The following TENM3 variants were observed in gnomAD, a reference collection of about 807,000 sequenced individuals.
The protein encoded by TENM3 is teneurin transmembrane protein 3.
A neutral mutation model predicts 255.1 loss-of-function variants in TENM3; 63 were observed. The observed-to-expected ratio is 0.25, with a 90% CI of 0.20 to 0.30. The LOEUF is 0.30. Ranked by LOEUF, TENM3 falls within the 10% of genes least tolerant of loss-of-function variation. TENM3 has a pLI of 1.00. For synonymous variants in TENM3, 1,306 were observed against 1,322.3 expected, an observed-to-expected ratio of 0.99 and a Z score of 0.27; for missense variants, 2,929 against 3,461.1, an observed-to-expected ratio of 0.85 and a Z score of 3.86.
chr4:182,066,793 C>T, the TENM3 span, among the ~76,000 whole-genome samples: 2 of 151,986 alleles, frequency 1.3e-5, no homozygotes, highest in Non-Finnish European at 2.9e-5. Context: ...CGCCTGTAGT[C>T]CCAGCTACTC....
the TENM3 span, among the ~76,000 whole-genome samples, chr4:181,810,392 T>C: frequency 6.6e-6 from 1 of 152,068 alleles, no homozygotes; most frequent in African/African-American, 2.4e-5. Context: ...CAGTAAATAA[T>C]GAACGAATCT....
the TENM3 span, among the ~76,000 whole-genome samples, chr4:181,809,187 G>A: frequency 6.6e-6 from 1 of 152,126 alleles, no homozygotes; most frequent in Non-Finnish European, 1.5e-5. Flanking sequence ...CCATTCAGAT[G>A]GGCTGGAAAC....
chr4:181,520,461 G>A, the TENM3 span, among the ~76,000 whole-genome samples: 1 of 152,052 alleles, frequency 6.6e-6, no homozygotes, highest in Non-Finnish European at 1.5e-5. Flanking sequence ...ATATCTCTAA[G>A]GAGATTGAAA....
intron 3 of TENM3, among the ~76,000 whole-genome samples, chr4:182,494,928 T>C (rs1469025519): frequency 6.6e-6 from 1 of 152,218 alleles, no homozygotes; most frequent in African/African-American, 2.4e-5. Flanking sequence ...GGAAGTACTA[T>C]TGGAGGTCTT....
the TENM3 span, among the ~76,000 whole-genome samples, chr4:182,044,480 G>A: frequency 0.55 from 84,066 of 152,146 alleles, 27,806 homozygotes; most frequent in East Asian, 0.75. Context: ...TCAGAAACAT[G>A]TCTTAAATTA....
intron 1 of TENM3, among the ~76,000 whole-genome samples, chr4:182,268,468 A>G (rs1349357642): frequency 6.6e-6 from 1 of 152,004 alleles, no homozygotes; most frequent in Admixed American, 6.6e-5. Flanking sequence ...GGGAGGGGGG[A>G]AATGTGTCAG....
the TENM3 span, among the ~76,000 whole-genome samples, chr4:181,605,572 G>GAAAGAA: frequency 4.5e-4 from 9 of 20,060 alleles, 1 homozygote; most frequent in Admixed American, 7.0e-4. Flanking sequence ...GAAAGAAAGA[G>GAAAGAA]AGAGAAAGAA....
In TENM3 at chr4:182,485,326, T is replaced by C. The variant is rs150752318; in HGVS notation, c.512-115598T>C. Among the ~76,000 whole-genome samples, 708 of 152,284 alleles carry C rather than the reference T, an allele frequency of 4.6e-3. 9 individuals are homozygous for C. The highest frequency in any genetic ancestry group is 0.016 in the African/African-American group (651 of 41,556). On this transcript the variant is annotated intron_variant, in intron 3 of 27. Transcript: ENST00000511685. Reference sequence around the variant, plus strand: ...GAGTGACAGAGATCCCTTTGTCTAATGGCAACTTTATGGAAATGAACATTT... The same window carrying C: ...GAGTGACAGAGATCCCTTTGTCTAACGGCAACTTTATGGAAATGAACATTT...
chr4:182,311,433 A>C (rs1762438839), intron 1 of TENM3, among the ~76,000 whole-genome samples: 2 of 152,158 alleles, frequency 1.3e-5, no homozygotes, highest in Non-Finnish European at 2.9e-5. Flanking sequence ...TACTTCTTAA[A>C]AAATTTTATC....
chr4:182,784,899 C>T lies in TENM3; in HGVS notation c.5305-4194C>T, dbSNP rs866481217. 5.8e-3 allele frequency among the ~76,000 whole-genome samples: 877 copies of T among 152,246 alleles called. 15 individuals carry two copies. The highest frequency in any genetic ancestry group is 0.02 in the African/African-American group (823 of 41,554). ...GCACTTCCCAAGTGAGGCAATGCCT[C>T]GCCCTGCTTCGGCTCGCGCACGGTG... On this transcript the variant is annotated intron_variant, in intron 24 of 27. Coordinates refer to ENST00000511685, the MANE Select transcript of TENM3 (RefSeq NM_001080477.4).
intron 1 of TENM3, among the ~76,000 whole-genome samples, chr4:182,203,619 G>C (rs1043466416): frequency 2.0e-5 from 3 of 152,092 alleles, no homozygotes; most frequent in African/African-American, 2.4e-5. Flanking sequence ...CCTTTCCCCC[G>C]CTTTGCTGGG....
intron 1 of TENM3, among the ~76,000 whole-genome samples, chr4:182,259,662 G>T (rs1290669011): frequency 6.6e-6 from 1 of 151,988 alleles, no homozygotes; most frequent in Non-Finnish European, 1.5e-5. Context: ...ATATTCTGGG[G>T]ATACATCTGA....
intron 1 of TENM3, among the ~76,000 whole-genome samples, chr4:182,154,211 A>C (rs528567015): frequency 9.2e-5 from 14 of 151,996 alleles, no homozygotes; most frequent in Admixed American, 4.6e-4. Context: ...ACTATTAAGA[A>C]TAATTGGTAT....
chr4:181,877,411 T>G, the TENM3 span, among the ~76,000 whole-genome samples: 442 of 152,332 alleles, frequency 2.9e-3, 1 homozygote, highest in Middle Eastern at 0.01. Flanking sequence ...TATAGCTATA[T>G]TTTGTTTCAT....
chr4:182,025,860 T>C, the TENM3 span, among the ~76,000 whole-genome samples: 1 of 152,168 alleles, frequency 6.6e-6, no homozygotes, highest in Non-Finnish European at 1.5e-5. Context: ...ACTTCTAGGG[T>C]ACATGTGCAC....
At chr4:182,387,774 C>G (rs968061373) in intron 3 of TENM3, among the ~76,000 whole-genome samples, 4 of 151,840 alleles carry the variant, frequency 2.6e-5, no homozygotes, top group African/African-American at 9.7e-5. Context: ...GGAAAAAACT[C>G]CGAACACATC....
At chr4:181,465,436 A>T in the TENM3 span, among the ~76,000 whole-genome samples, 1 of 152,202 alleles carries the variant, frequency 6.6e-6, no homozygotes, top group Admixed American at 6.5e-5. Flanking sequence ...GAGTGCTTTT[A>T]CTTAGAAATT....
the TENM3 span, among the ~76,000 whole-genome samples, chr4:181,834,409 G>A: frequency 3.3e-5 from 5 of 152,292 alleles, no homozygotes; most frequent in South Asian, 1.0e-3. Flanking sequence ...TAAAATATGG[G>A]CTTAATCACC....
chr4:182,367,666 C>T (rs1291994568), intron 3 of TENM3, among the ~76,000 whole-genome samples: 1 of 151,930 alleles, frequency 6.6e-6, no homozygotes, highest in African/African-American at 2.4e-5. Flanking sequence ...AAAGGAAAAG[C>T]CATAGAAAGA....
Sources: allele counts gnomAD v4.1 joint callset (sites outside exome capture counted in the v4.1 genomes callset), GRCh38; gene constraint gnomAD v4.1.1; transcripts MANE v1.5; gene names NCBI Gene and HGNC (gene_info 2026-07-23, HGNC 2026-07-21).